Variants in WDR74 observed in about 807,000 individuals in gnomAD.
WDR74 encodes WD repeat-containing protein 74.
A neutral mutation model predicts 45.6 loss-of-function variants in WDR74; 31 were observed. The ratio of observed to expected loss-of-function variants is 0.68; its 90% CI spans 0.51 to 0.92. The LOEUF (loss-of-function observed/expected upper bound fraction) is 0.92. WDR74 is among the 40% of genes least tolerant of loss of function. The pLI is 0.00. For synonymous variants in WDR74, 191 were observed against 192.4 expected (o/e 0.99, Z 0.06); for missense variants, 455 against 497.2 (o/e 0.92, Z 0.81).
intron 7 of WDR74, 36 bp downstream of exon 7, chr11:62,834,391 C>CGGGGGCG: frequency 1.4e-6 from 1 of 699,870 alleles, no homozygotes; most frequent in Non-Finnish European, 2.4e-6. Context: ...CCTTCTCAAG[C>CGGGGGCG]CCCACCCTCC....
At chr11:62,838,673 G>A (rs28502389) in intron 3 of WDR74, among the ~76,000 whole-genome samples, 2 of 151,254 alleles carry the variant, frequency 1.3e-5, no homozygotes, top group African/African-American at 4.9e-5. Context: ...CAGGAGTATC[G>A]CTTGAACCCG....
In WDR74 at chr11:62,833,683, G is replaced by A. The variant is rs759317392; in HGVS notation, c.922-9C>T. 2.4e-4 allele frequency: 377 copies of A among 1,560,906 alleles called. No homozygotes were observed. The highest frequency in any genetic ancestry group is 3.2e-4 in the Non-Finnish European group (365 of 1,152,196). On this transcript the variant is annotated splice_polypyrimidine_tract_variant and intron_variant, in intron 9 of 10. Transcript: ENST00000278856. ...TGAGACTTGAGATAAACCTGCAAAAGATGAGGGACCTTAAGGAGCCAGGCA... is the reference window on the plus strand; with the variant it reads ...TGAGACTTGAGATAAACCTGCAAAAAATGAGGGACCTTAAGGAGCCAGGCA...
chr11:62,841,766 A>C (rs2085066927), upstream of WDR74: 1 of 152,250 alleles, frequency 6.6e-6, no homozygotes. Flanking sequence ...AACTGATAAG[A>C]ACAGATACTA....
In WDR74 at chr11:62,833,685, T is replaced by C. The variant is rs1162148169; in HGVS notation, c.922-11A>G. 3.2e-6 allele frequency: 5 copies of C among 1,561,602 alleles called. No individual in the cohort carries two copies. The highest frequency in any genetic ancestry group is 4.3e-6 in the Non-Finnish European group (5 of 1,152,662). Reference sequence around the variant, plus strand: ...AGACTTGAGATAAACCTGCAAAAGATGAGGGACCTTAAGGAGCCAGGCATG... The same window carrying C: ...AGACTTGAGATAAACCTGCAAAAGACGAGGGACCTTAAGGAGCCAGGCATG... On this transcript the variant is annotated splice_polypyrimidine_tract_variant and intron_variant, in intron 9 of 10. Coordinates refer to ENST00000278856, the MANE Select transcript of WDR74 (RefSeq NM_001369450.1).
At chr11:62,835,933 CCCAA>C (rs745473906) in intron 4 of WDR74, 24 bp downstream of exon 4, 1 of 1,586,270 alleles carries the variant, frequency 6.3e-7, no homozygotes. Flanking sequence ...GCCCACCTCC[CCCAA>C]CCATCAGGGC....
intron 3 of WDR74, chr11:62,836,393 A>C (rs2084960270): frequency 3.5e-6 from 1 of 286,774 alleles, no homozygotes; most frequent in Non-Finnish European, 6.8e-6. Flanking sequence ...GTGATATTCC[A>C]GAGTGCTTTT....
chr11:62,833,969 G>A (rs1436087704), intron 8 of WDR74, 32 bp from the exon 9 acceptor site: 2 of 1,607,450 alleles, frequency 1.2e-6, no homozygotes, highest in Admixed American at 1.7e-5. Flanking sequence ...CGTGATAACT[G>A]GCTGGCCAAT....
chr11:62,834,488 C>T lies in WDR74; in HGVS notation c.658G>A (p.Val220Ile), dbSNP rs1339901208. The change falls in exon 7 of 11, where the codon GTC becomes ATC. Residue 220 changes from valine (V) to isoleucine (I), a missense_variant. Physicochemically the swap from Val to Ile is conservative, Grantham distance 29. Coordinates refer to ENST00000278856, the MANE Select transcript of WDR74 (RefSeq NM_001369450.1). Reference sequence around the variant, plus strand: ...TACTCTCCATAGGTGGTCTCTAGGACTGGCCGGCGCTGGGGGGATGCTGGA... The same window carrying T: ...TACTCTCCATAGGTGGTCTCTAGGATTGGCCGGCGCTGGGGGGATGCTGGA... ...YDPASPQRRP[V>I]LETTYGEYPL... is the part of the protein sequence containing the mutation. 1 of 1,607,618 alleles carries T rather than the reference C, an allele frequency of 6.2e-7. No individual in the cohort carries two copies. Among genetic ancestry groups the T allele is most frequent in the African/African-American group, 1.4e-5 (1 of 73,706 alleles).
rs535814738 is a variant in WDR74 at position 62,839,373 on chromosome 11, C to T, written c.120G>A (p.Arg40=). 1.1e-4 allele frequency: 172 copies of T among 1,612,330 alleles called. No individual in the cohort carries two copies. Among genetic ancestry groups the T allele is most frequent in the Non-Finnish European group, 1.4e-4 (168 of 1,179,824 alleles). ...ACAGGGCGCTCACTGCCTCCTCGCG[C>T]CGCGGCTGTCCTCCGGCCGTGAAGT... ...AANFTAGGQP[R]REEAVSALCW... The change falls in exon 2 of 11, where the codon CGG becomes CGA. Residue 40 remains arginine (R), a synonymous_variant. Transcript: ENST00000278856.
rs1282908175 is a variant in WDR74 at position 62,833,811 on chromosome 11, G to A, written c.902C>T (p.Pro301Leu). Residue 301 changes from proline to leucine, a missense_variant, in exon 9 of 11, where the codon CCA becomes CTA. Coordinates refer to ENST00000278856, the MANE Select transcript of WDR74 (RefSeq NM_001369450.1). ...ACTTACCTTATGCTCCAGACCCCGTGGATTCTGGATCCTGTGTATCCTCAA... is the reference window on the plus strand; with the variant it reads ...ACTTACCTTATGCTCCAGACCCCGTAGATTCTGGATCCTGTGTATCCTCAA... Reference protein sequence around the residue: ...RVLRIHRIQNPRGLEHKVYLK... With the variant: ...RVLRIHRIQNLRGLEHKVYLK... 1 of 1,613,888 alleles carries A rather than the reference G, an allele frequency of 6.2e-7. No homozygotes were observed. The highest frequency in any genetic ancestry group is 1.7e-5 in the Admixed American group (1 of 60,002).
At chr11:62,839,831 C>G (rs1201013042), upstream of WDR74, 2 of 534,272 alleles carry the variant, frequency 3.7e-6, no homozygotes, top group Non-Finnish European at 6.6e-6. Flanking sequence ...CAGCCCTAGT[C>G]TGTCTCCCGG....
At chr11:62,841,646 G>T (rs561005968), upstream of WDR74, 1 of 152,186 alleles carries the variant, frequency 6.6e-6, no homozygotes, top group Admixed American at 6.5e-5. Flanking sequence ...TGGAAGTACT[G>T]CAATACCAGG....
At chr11:62,841,496 G>C (rs17157578), upstream of WDR74, 12,932 of 152,084 alleles carry the variant, frequency 0.085, 684 homozygotes, top group East Asian at 0.15. Context: ...TCAAACACGC[G>C]TCATTCAACA....
At chr11:62,841,745 A>G (rs545431182), upstream of WDR74, 3 of 152,332 alleles carry the variant, frequency 2.0e-5, no homozygotes, top group East Asian at 1.9e-4. Context: ...TAGAGGACGT[A>G]TCAGATATTA....
chr11:62,841,596 C>G (rs745877424), upstream of WDR74: 8 of 152,160 alleles, frequency 5.3e-5, no homozygotes, highest in East Asian at 1.9e-4. Flanking sequence ...TTCCATTAAA[C>G]AACGGTTGTT....
chr11:62,834,160 C>CCCAGGTG, intron 8 of WDR74, 116 bp downstream of exon 8: 1 of 1,525,526 alleles, frequency 6.6e-7, no homozygotes, highest in Non-Finnish European at 9.1e-7. Flanking sequence ...AGGATTTAAA[C>CCCAGGTG]CCAGGCAATC....
chr11:62,839,270 G>C, intron 2 of WDR74, 35 bp from the exon 3 acceptor site: 1 of 1,612,188 alleles, frequency 6.2e-7, no homozygotes, highest in Non-Finnish European at 8.5e-7. Context: ...CGAGGAGAGC[G>C]AGGCTGCTGC....
At position 62,832,962 on chromosome 11, in the gene WDR74, G is replaced by A. The variant is rs1189904584; in HGVS notation, c.1148C>T (p.Thr383Ile). ...GTGGGCACAGGGGCGTCAGGGGCTGGTGGACCCAGGCCGCTTCTTCTTTCT... is the reference window on the plus strand; with the variant it reads ...GTGGGCACAGGGGCGTCAGGGGCTGATGGACCCAGGCCGCTTCTTCTTTCT... ...RRRKKKRPGSTSP is the reference protein window; with the variant it reads ...RRRKKKRPGSISP Residue 383 changes from threonine (T) to isoleucine (I), a missense_variant, in exon 11 of 11, where the codon ACC becomes ATC. Transcript: ENST00000278856. The A allele has an allele frequency of 6.2e-7, 1 of 1,603,934 alleles. No individual in the cohort carries two copies. The highest frequency in any genetic ancestry group is 8.5e-7 in the Non-Finnish European group (1 of 1,175,554).
chr11:62,834,583 C>T (rs1786024056), intron 6 of WDR74, 56 bp from the exon 7 acceptor site: 8 of 1,476,278 alleles, frequency 5.4e-6, no homozygotes, highest in Admixed American at 3.6e-5. Context: ...TACCCTCTGG[C>T]GTCTCTGCAT....
Sources: allele counts gnomAD v4.1 joint callset (sites outside exome capture counted in the v4.1 genomes callset), GRCh38; gene constraint gnomAD v4.1.1; transcripts MANE v1.5; gene names NCBI Gene and HGNC (gene_info 2026-07-23, HGNC 2026-07-21).